Variants in LARGE1 observed in about 807,000 individuals in gnomAD.
LARGE1 encodes LARGE xylosyl- and glucuronyltransferase 1, also known as xylosyl- and glucuronyltransferase LARGE1.
LARGE1 carries 43 observed loss-of-function variants against 87.6 expected under a neutral mutation model. The ratio of observed to expected loss-of-function variants is 0.49; its 90% confidence interval spans 0.38 to 0.63. LARGE1 has a LOEUF of 0.63. LARGE1 is among the 30% of genes least tolerant of loss of function. The probability of loss-of-function intolerance (pLI) is 0.00; values close to 1 mark genes in which losing one functional copy is unlikely to be tolerated. For missense variants in LARGE1, 802 were observed against 1,000.2 expected (o/e 0.80, Z 2.67); for synonymous variants, 434 against 394.6 (o/e 1.10, Z -1.18).
intron 6 of LARGE1, among the ~76,000 whole-genome samples, chr22:33,435,063 G>A (rs554404900): frequency 2.0e-4 from 30 of 152,206 alleles, no homozygotes; most frequent in Admixed American, 5.9e-4. Flanking sequence ...TGCAAATGGC[G>A]CCATCTCGGC....
the LARGE1 span, among the ~76,000 whole-genome samples, chr22:33,143,952 CT>C: frequency 6.6e-6 from 1 of 152,080 alleles, no homozygotes. Flanking sequence ...TGTCTTAACT[CT>C]TCTTGGTATC....
intron 6 of LARGE1, among the ~76,000 whole-genome samples, chr22:33,480,451 C>T (rs1305967980): frequency 6.6e-6 from 1 of 152,086 alleles, no homozygotes; most frequent in Non-Finnish European, 1.5e-5. Context: ...GGTTCTCTGC[C>T]CAGGGAGGGG....
At position 33,382,026 on chromosome 22, in the gene LARGE1, T is replaced by C; in HGVS notation, c.1024A>G (p.Ile342Val). ...TACACAAGGAAGGGGTTTTGTTTGA[T>C]GACGGCATTGAAAATATCCTGGGGG... ...LADQDIFNAV[I>V]KQNPFLVYQL... The change falls in exon 9 of 15, where the codon ATC (isoleucine) becomes GTC (valine). Residue 342 changes from isoleucine to valine, a missense_variant. By Grantham distance (29) the Ile-to-Val change is conservative. Around this residue, in one of 2 missense-constraint regions of LARGE1, gnomAD observed 625 missense variants for 841.9 expected, o/e 0.74. Transcript: ENST00000397394. The C allele has an allele frequency of 6.2e-7, 1 of 1,614,136 alleles. No individual in the cohort carries two copies. Among genetic ancestry groups the C allele is most frequent in the Non-Finnish European group, 8.5e-7 (1 of 1,180,008 alleles).
At chr22:33,707,114 C>T (rs567501678) in intron 2 of LARGE1, among the ~76,000 whole-genome samples, 3 of 152,310 alleles carry the variant, frequency 2.0e-5, no homozygotes, top group South Asian at 2.1e-4. Context: ...AGAACTGGCA[C>T]GCGAGACCAA....
chr22:33,166,228 A>C (rs1922258533), exon 12 of LARGE1: 1 of 152,652 alleles, frequency 6.6e-6, no homozygotes, highest in South Asian at 2.1e-4. Context: ...ACTCCAGGAG[A>C]CATTGAGAAG....
chr22:33,706,282 A>AC (rs2082560145), intron 2 of LARGE1, among the ~76,000 whole-genome samples: 1 of 152,102 alleles, frequency 6.6e-6, no homozygotes, highest in South Asian at 2.1e-4. Flanking sequence ...GGCTCAGCCC[A>AC]CACCCCCACA....
At chr22:33,425,674 T>C (rs2066851256) in intron 7 of LARGE1, among the ~76,000 whole-genome samples, 1 of 152,214 alleles carries the variant, frequency 6.6e-6, no homozygotes, top group African/African-American at 2.4e-5. Context: ...TTTATTTCCG[T>C]AGCTCTAGGA....
chr22:33,919,512 A>G (rs1384346307), intron 1 of LARGE1, among the ~76,000 whole-genome samples: 2 of 152,212 alleles, frequency 1.3e-5, no homozygotes, highest in African/African-American at 4.8e-5. Context: ...TGTCCTAAAG[A>G]GGGACTCGCA....
chr22:33,149,111 C>T, the LARGE1 span, among the ~76,000 whole-genome samples: 4 of 150,628 alleles, frequency 2.7e-5, no homozygotes, highest in East Asian at 5.9e-4. Flanking sequence ...GATCTCGGCT[C>T]ACTGCAATCT....
At chr22:33,707,792 T>C (rs2082606051) in intron 2 of LARGE1, among the ~76,000 whole-genome samples, 1 of 152,206 alleles carries the variant, frequency 6.6e-6, no homozygotes, top group African/African-American at 2.4e-5. Context: ...GTGGCTGATG[T>C]CACTGTTATG....
the LARGE1 span, among the ~76,000 whole-genome samples, chr22:33,081,266 C>A: frequency 1.3e-5 from 2 of 152,182 alleles, no homozygotes; most frequent in African/African-American, 2.4e-5. Context: ...TTAAATCACC[C>A]AGTCTATGCA....
chr22:33,073,354 T>C, the LARGE1 span, among the ~76,000 whole-genome samples: 1 of 152,214 alleles, frequency 6.6e-6, no homozygotes. Context: ...ACCCTGATTA[T>C]TGAACCCTGG....
At chr22:33,343,255 A>G (rs1939363542) in intron 9 of LARGE1, among the ~76,000 whole-genome samples, 1 of 152,068 alleles carries the variant, frequency 6.6e-6, no homozygotes, top group African/African-American at 2.4e-5. Flanking sequence ...AGTGGCTGGG[A>G]CTACAGGCAC....
intron 1 of LARGE1, among the ~76,000 whole-genome samples, chr22:33,830,851 C>T (rs985912397): frequency 6.6e-6 from 1 of 152,162 alleles, no homozygotes; most frequent in African/African-American, 2.4e-5. Context: ...TCTTGCTGTG[C>T]CCTCACGTAG....
chr22:33,629,450 C>A lies in LARGE1; in HGVS notation c.409-3124G>T, dbSNP rs909558188. ...AATTTTCCAATCTCTTTAGTTTCAT[C>A]GAATACACCTGCCACCATGAATAAA... is the stretch of plus-strand genomic sequence containing the variant. On this transcript the variant is annotated intron_variant, in intron 3 of 14. Transcript: ENST00000397394. Among the ~76,000 whole-genome samples, 13 of 152,236 alleles carry A rather than the reference C, an allele frequency of 8.5e-5. No homozygotes were observed. The East Asian group carries it at 2.5e-3, about 29-fold the overall frequency.
At chr22:33,701,456 C>A (rs1470770090) in intron 2 of LARGE1, among the ~76,000 whole-genome samples, 2 of 152,164 alleles carry the variant, frequency 1.3e-5, no homozygotes, top group African/African-American at 2.4e-5. Context: ...GTCTCTCTCA[C>A]ATCCAGAAAG....
In LARGE1 at chr22:33,274,711, T is replaced by C. The variant is rs903040226; in HGVS notation, c.2074-87A>G. ...CCCAAGCGAATGATTGAATGGCTAG[T>C]GAATGAATGACTTGATAATGGCACC... On this transcript the variant is annotated intron_variant, in intron 14 of 14. Coordinates refer to ENST00000397394, the MANE Select transcript of LARGE1 (RefSeq NM_133642.5). The C allele has an allele frequency of 1.3e-5, 15 of 1,172,742 alleles. No individual in the cohort carries two copies. The African/African-American group carries it at 2.1e-4, about 17-fold the overall frequency. 72.6% of individuals were successfully genotyped at this position (1,172,742 alleles called of 1,614,324 possible). A position where few individuals can be genotyped will look rare whatever the true frequency, so the allele number is the denominator to read the frequency against.
At chr22:33,218,111 G>GT (rs1373224506) in intron 11 of LARGE1, among the ~76,000 whole-genome samples, 1 of 151,890 alleles carries the variant, frequency 6.6e-6, no homozygotes, top group African/African-American at 2.4e-5. Context: ...TGTATTTTTA[G>GT]TAGAGGTGGG....
chr22:33,469,499 A>T (rs1429175245), intron 6 of LARGE1, among the ~76,000 whole-genome samples: 1 of 152,186 alleles, frequency 6.6e-6, no homozygotes, highest in Non-Finnish European at 1.5e-5. Flanking sequence ...AGAAGAGAAC[A>T]GAAAACTAGG....
Sources: gnomAD v4.1 joint callset for allele counts (sites outside exome capture counted in the v4.1 genomes callset) on GRCh38, gnomAD v4.1.1 for gene constraint, gnomAD v4.1.1 regional missense constraint, MANE v1.5 for transcripts, NCBI Gene and HGNC (gene_info 2026-07-23, HGNC 2026-07-21) for gene names.